The following SEPTIN7 variants were observed in gnomAD, a reference collection of about 807,000 sequenced individuals.
SEPTIN7 encodes septin-7.
A neutral mutation model predicts 63.3 loss-of-function variants in SEPTIN7; 10 were observed. That is an observed-to-expected ratio of 0.16 (90% CI 0.10 to 0.27). The LOEUF is 0.27. SEPTIN7 is among the 10% of genes least tolerant of loss of function. The probability of loss-of-function intolerance (pLI) is 1.00; values close to 1 mark genes in which losing one functional copy is unlikely to be tolerated. For missense variants in SEPTIN7, 310 were observed against 521.0 expected (o/e 0.59, Z 3.94); for synonymous variants, 131 against 165.3 (o/e 0.79, Z 1.59).
intron 1 of SEPTIN7, among the ~76,000 whole-genome samples, chr7:35,811,263 T>G (rs1018781223): frequency 1.3e-5 from 2 of 152,130 alleles, no homozygotes; most frequent in African/African-American, 4.8e-5. Flanking sequence ...TGTAACATTT[T>G]GGGGTATGAG....
chr7:35,825,767 G>A (rs1783480533), intron 1 of SEPTIN7, among the ~76,000 whole-genome samples: 1 of 152,120 alleles, frequency 6.6e-6, no homozygotes, highest in African/African-American at 2.4e-5. Flanking sequence ...AGTCTAGGAA[G>A]TTAAGATCTG....
intron 12 of SEPTIN7, chr7:35,901,335 G>A (rs1788307927): frequency 6.6e-6 from 1 of 152,024 alleles, no homozygotes; most frequent in African/African-American, 2.4e-5. Context: ...ATTTCAGAAT[G>A]GAAAAAACTC....
downstream of SEPTIN7, among the ~76,000 whole-genome samples, chr7:35,910,190 A>G (rs1274632994): frequency 6.6e-6 from 1 of 152,214 alleles, no homozygotes; most frequent in Non-Finnish European, 1.5e-5. Context: ...AGTCACACAC[A>G]TGATTTCCCA....
intron 1 of SEPTIN7, among the ~76,000 whole-genome samples, chr7:35,823,810 T>TA (rs1783359873): frequency 6.6e-6 from 1 of 152,186 alleles, no homozygotes; most frequent in Non-Finnish European, 1.5e-5. Context: ...TCTCTATTCT[T>TA]ATGGTTGCTG....
chr7:35,908,318 AG>A (rs1788672228), downstream of SEPTIN7, among the ~76,000 whole-genome samples: 9 of 152,298 alleles, frequency 5.9e-5, no homozygotes, highest in African/African-American at 2.2e-4. Context: ...TGTGTTCTTT[AG>A]AAGACTTTGA....
Position 35,904,318 on chromosome 7 carries a change from G to T in SEPTIN7, c.*25G>T, listed in dbSNP as rs1375151535. Reference sequence around the variant, plus strand: ...AACTCTCTATTGACCACCAGTTAACGTATTAGTTGCCAATATGCCAGCTTG... The same window carrying T: ...AACTCTCTATTGACCACCAGTTAACTTATTAGTTGCCAATATGCCAGCTTG... On this transcript the variant is annotated 3_prime_UTR_variant, in exon 14 of 14. Transcript: ENST00000350320. 2.0e-6 allele frequency: 3 copies of T among 1,535,744 alleles called. No homozygotes were observed. Among genetic ancestry groups the T allele is most frequent in the African/African-American group, 1.4e-5 (1 of 72,648 alleles).
At chr7:35,811,967 A>C (rs1197895700) in intron 1 of SEPTIN7, 1 of 177,832 alleles carries the variant, frequency 5.6e-6, no homozygotes, top group Non-Finnish European at 1.2e-5. Flanking sequence ...AACAAAAAAC[A>C]AACAAAAAAA....
Position 35,801,247 on chromosome 7 carries a change from G to T in SEPTIN7, c.38G>T (p.Arg13Met). The T allele has an allele frequency of 6.5e-7, 1 of 1,534,708 alleles. No homozygotes were observed. The highest frequency in any genetic ancestry group is 1.2e-5 in the South Asian group (1 of 81,874). The change falls in exon 1 of 14, where the codon AGG becomes ATG. Residue 13 changes from arginine to methionine, a missense_variant. Transcript: ENST00000350320. Reference protein sequence around the residue: ...VSARSAAAEERSVNSSTMVAQ... With the variant: ...VSARSAAAEEMSVNSSTMVAQ... Reference sequence around the variant, plus strand: ...GCGAGATCCGCTGCTGCTGAGGAGAGGAGCGTCAACAGCAGCACCATGGGT... The same window carrying T: ...GCGAGATCCGCTGCTGCTGAGGAGATGAGCGTCAACAGCAGCACCATGGGT...
At chr7:35,908,735 T>G (rs911179817), downstream of SEPTIN7, among the ~76,000 whole-genome samples, 6 of 152,174 alleles carry the variant, frequency 3.9e-5, no homozygotes, top group African/African-American at 1.2e-4. Flanking sequence ...CTCCCTTTTG[T>G]CCAAGTGTGT....
At chr7:35,873,546 T>C (rs922569890) in intron 5 of SEPTIN7, 95 bp from the exon 6 acceptor site, 3 of 1,185,564 alleles carry the variant, frequency 2.5e-6, no homozygotes, top group African/African-American at 3.1e-5. Context: ...TAAATTCATT[T>C]TGCCCATTTG....
At chr7:35,891,173 T>TA (rs1667327487) in intron 11 of SEPTIN7, among the ~76,000 whole-genome samples, 1 of 152,180 alleles carries the variant, frequency 6.6e-6, no homozygotes, top group South Asian at 2.1e-4. Context: ...CTGTTGAGCT[T>TA]ATATCTCAAG....
chr7:35,846,232 A>T (rs1784659072), intron 3 of SEPTIN7, among the ~76,000 whole-genome samples: 1 of 152,194 alleles, frequency 6.6e-6, no homozygotes, highest in Non-Finnish European at 1.5e-5. Flanking sequence ...GCTAATTTTC[A>T]ATGGCTGAAT....
At chr7:35,839,032 G>A (rs1445728947) in intron 3 of SEPTIN7, among the ~76,000 whole-genome samples, 1 of 152,166 alleles carries the variant, frequency 6.6e-6, no homozygotes, top group Non-Finnish European at 1.5e-5. Flanking sequence ...GTTGATTTAT[G>A]TAGGAAGATT....
chr7:35,909,912 G>A (rs1446276333), downstream of SEPTIN7, among the ~76,000 whole-genome samples: 1 of 152,236 alleles, frequency 6.6e-6, no homozygotes, highest in African/African-American at 2.4e-5. Context: ...GTTTAGCTGG[G>A]TGGTCTGGCA....
chr7:35,889,464 G>A (rs1439773890), intron 10 of SEPTIN7, among the ~76,000 whole-genome samples: 1 of 152,212 alleles, frequency 6.6e-6, no homozygotes, highest in Admixed American at 6.5e-5. Context: ...GTTCCCAAAG[G>A]GGGAGATTCA....
intron 3 of SEPTIN7, among the ~76,000 whole-genome samples, chr7:35,862,274 C>G (rs971169670): frequency 1.3e-4 from 19 of 151,928 alleles, no homozygotes; most frequent in African/African-American, 1.9e-4. Context: ...CTTGTTCCCC[C>G]ACTCCTCACC....
At chr7:35,846,579 A>G (rs1317387136) in intron 3 of SEPTIN7, among the ~76,000 whole-genome samples, 1 of 152,162 alleles carries the variant, frequency 6.6e-6, no homozygotes, top group African/African-American at 2.4e-5. Context: ...TCAACTTTGC[A>G]GTGTCTTCAA....
Position 35,863,676 on chromosome 7 carries a change from G to T in SEPTIN7, c.276+18G>T, listed in dbSNP as rs1562558328. 4.9e-6 allele frequency: 6 copies of T among 1,235,384 alleles called. No individual in the cohort carries two copies. The highest frequency in any genetic ancestry group is 5.7e-6 in the Non-Finnish European group (5 of 878,880). 76.5% of individuals were successfully genotyped at this position (1,235,384 alleles called of 1,614,324 possible). On this transcript the variant is annotated intron_variant, in intron 4 of 13. Transcript: ENST00000350320. ...CTGTACAGGTATGGATATTAGTATT[G>T]TTAATTGATAAGCTGGAATAATATT...
At chr7:35,826,652 A>G (rs1294629449) in intron 1 of SEPTIN7, among the ~76,000 whole-genome samples, 1 of 151,986 alleles carries the variant, frequency 6.6e-6, no homozygotes, top group Admixed American at 6.6e-5. Flanking sequence ...AGTTCCTTCT[A>G]GGGTTGTTTT....
Sources: allele counts gnomAD v4.1 joint callset (sites outside exome capture counted in the v4.1 genomes callset), GRCh38; gene constraint gnomAD v4.1.1; transcripts MANE v1.5; gene names NCBI Gene and HGNC (gene_info 2026-07-23, HGNC 2026-07-21).